VCAN: variants seen among roughly 807,000 people sequenced by gnomAD.
VCAN encodes the protein versican core protein.
Under a neutral mutation model 245.5 loss-of-function variants are expected in VCAN, and 44 were observed. The ratio of observed to expected loss-of-function variants is 0.18; its 90% CI spans 0.14 to 0.23. VCAN has a LOEUF of 0.23. VCAN is among the 10% of genes least tolerant of loss of function. VCAN has a pLI of 1.00. For missense variants in VCAN, 3,793 were observed against 4,057.9 expected (o/e 0.93, Z 1.77); for synonymous variants, 1,413 against 1,437.0 (o/e 0.98, Z 0.38).
intron 3 of VCAN, among the ~76,000 whole-genome samples, chr5:83,493,120 G>A (rs761025156): frequency 6.6e-6 from 1 of 152,224 alleles, no homozygotes; most frequent in Non-Finnish European, 1.5e-5. Flanking sequence ...AGTGTTTCAT[G>A]CATAAATATT....
chr5:83,577,083 TC>T (rs1348085319), intron 13 of VCAN, among the ~76,000 whole-genome samples: 1 of 152,130 alleles, frequency 6.6e-6, no homozygotes, highest in Non-Finnish European at 1.5e-5. Flanking sequence ...TTATTTTTTT[TC>T]CTTTATGATC....
chr5:83,558,667 TA>T (rs1274050869), intron 12 of VCAN, among the ~76,000 whole-genome samples: 4 of 152,192 alleles, frequency 2.6e-5, no homozygotes, highest in Non-Finnish European at 4.4e-5. Flanking sequence ...TGTTATGCTA[TA>T]CAGCTAGACT....
At position 83,541,330 on chromosome 5, in the gene VCAN, A is replaced by G. The variant is rs142481399; in HGVS notation, c.8327A>G (p.His2776Arg). ...GGAGCTGAGGAGGCATTAGTAGACC[A>G]TACTCCCTATCTAAGTATTGCTACT... ...SSGAEEALVDHTPYLSIATTH... is the reference protein window; with the variant it reads ...SSGAEEALVDRTPYLSIATTH... The change falls in exon 8 of 15, where the codon CAT (histidine) becomes CGT (arginine). Residue 2776 changes from histidine to arginine, a missense_variant. His to Arg is a conservative substitution (Grantham distance 29). Transcript: ENST00000265077. The G allele has an allele frequency of 3.1e-6, 5 of 1,613,996 alleles. No homozygotes were observed. The highest frequency in any genetic ancestry group is 2.7e-5 in the African/African-American group (2 of 74,918).
At chr5:83,563,750 G>A (rs753820602) in intron 12 of VCAN, among the ~76,000 whole-genome samples, 3 of 152,196 alleles carry the variant, frequency 2.0e-5, no homozygotes, top group African/African-American at 4.8e-5. Flanking sequence ...AAGAGTTTGC[G>A]CACAAAGAAG....
At chr5:83,571,645 C>CA (rs894950471) in intron 12 of VCAN, among the ~76,000 whole-genome samples, 29 of 151,602 alleles carry the variant, frequency 1.9e-4, no homozygotes, top group African/African-American at 6.0e-4. Flanking sequence ...ACATTACACA[C>CA]AAAAAAAATC....
chr5:83,483,722 A>C, intron 2 of VCAN, 134 bp downstream of exon 2: 1 of 843,134 alleles, frequency 1.2e-6, no homozygotes, highest in Non-Finnish European at 1.9e-6. Context: ...ACTATCAGTT[A>C]AAATATTATT....
intron 14 of VCAN, 67 bp from the exon 15 acceptor site, chr5:83,580,240 G>A (rs1332176195): frequency 5.0e-6 from 8 of 1,613,484 alleles, no homozygotes; most frequent in East Asian, 4.5e-5. Context: ...CTGTGGTATC[G>A]GCAGTTTAGG....
At position 83,471,819 on chromosome 5, in the gene VCAN, A is replaced by G; in HGVS notation, c.-211A>G. ...CAGGCGTGCGGACGCAACAGCCGAG[A>G]ACATTAGGTGTTGTGGACAGGAGCT... On this transcript the variant is annotated 5_prime_UTR_variant, in exon 1 of 15. Transcript: ENST00000265077. 2.5e-6 allele frequency: 1 copy of G among 398,564 alleles called. No individual in the cohort carries two copies. The highest frequency in any genetic ancestry group is 3.6e-5 in the East Asian group (1 of 28,062). 24.7% of individuals were successfully genotyped at this position (398,564 alleles called of 1,614,324 possible).
At chr5:83,549,099 A>C (rs530140575) in intron 10 of VCAN, among the ~76,000 whole-genome samples, 2 of 152,334 alleles carry the variant, frequency 1.3e-5, no homozygotes, top group Non-Finnish European at 2.9e-5. Context: ...AAACATTAGA[A>C]AGATGGCATT....
At chr5:83,534,369 A>T (rs1746627959) in intron 7 of VCAN, among the ~76,000 whole-genome samples, 1 of 151,972 alleles carries the variant, frequency 6.6e-6, no homozygotes. Flanking sequence ...TGCTGGAGAA[A>T]CCCAGCTGAA....
chr5:83,543,981 C>G (rs1436546417), intron 8 of VCAN, among the ~76,000 whole-genome samples: 3 of 152,206 alleles, frequency 2.0e-5, no homozygotes, highest in African/African-American at 4.8e-5. Context: ...GGAAGACTCA[C>G]TCACTCAGTC....
At chr5:83,475,151 G>C (rs1177133417) in intron 1 of VCAN, among the ~76,000 whole-genome samples, 1 of 152,292 alleles carries the variant, frequency 6.6e-6, no homozygotes, top group East Asian at 1.9e-4. Flanking sequence ...AAACATGGAA[G>C]GGCTGCGAGT....
chr5:83,561,667 C>CA (rs1238471816), intron 12 of VCAN, among the ~76,000 whole-genome samples: 1 of 151,964 alleles, frequency 6.6e-6, no homozygotes, highest in Non-Finnish European at 1.5e-5. Flanking sequence ...GTCTGTCAAG[C>CA]AAAGTATTGT....
In VCAN at chr5:83,572,436, C is replaced by T; in HGVS notation, c.9756C>T (p.Pro3252=). The T allele has an allele frequency of 6.2e-7, 1 of 1,613,924 alleles. No individual in the cohort carries two copies. The highest frequency in any genetic ancestry group is 8.5e-7 in the Non-Finnish European group (1 of 1,179,866). Residue 3252 remains proline, a synonymous_variant, in exon 13 of 15, where the codon CCC becomes CCT. Transcript: ENST00000265077. ...TACAGCAATACGAGAATTGGAGACC[C>T]AACCAGCCAGACAGCTTCTTTTCTG... ...GSTLQYENWR[P]NQPDSFFSAG...
At chr5:83,486,442 G>A (rs1413275255) in intron 2 of VCAN, among the ~76,000 whole-genome samples, 1 of 152,176 alleles carries the variant, frequency 6.6e-6, no homozygotes, top group African/African-American at 2.4e-5. Flanking sequence ...CTAATCAGAT[G>A]GTGAAGCCTA....
At chr5:83,577,726 A>C (rs955498464) in intron 13 of VCAN, among the ~76,000 whole-genome samples, 2 of 152,168 alleles carry the variant, frequency 1.3e-5, no homozygotes, top group Non-Finnish European at 1.5e-5. Context: ...GTCTTTTCTG[A>C]AGTATGGAAC....
intron 4 of VCAN, 23 bp downstream of exon 4, chr5:83,493,743 G>A: frequency 6.2e-7 from 1 of 1,614,120 alleles, no homozygotes; most frequent in Non-Finnish European, 8.5e-7. Context: ...GGGGCCACAG[G>A]CTTCATTATT....
intron 5 of VCAN, among the ~76,000 whole-genome samples, chr5:83,495,206 C>A (rs555603571): frequency 6.6e-6 from 1 of 152,200 alleles, no homozygotes; most frequent in African/African-American, 2.4e-5. Flanking sequence ...TTTCTATGGT[C>A]TCTTTCAACA....
intron 12 of VCAN, 80 bp from the exon 13 acceptor site, chr5:83,572,336 A>C (rs1251248748): frequency 3.3e-5 from 51 of 1,525,694 alleles, no homozygotes; most frequent in Middle Eastern, 1.7e-4. Flanking sequence ...TATTCCAATT[A>C]GATTGTGATA....
Sources: gnomAD v4.1 joint callset for allele counts (sites outside exome capture counted in the v4.1 genomes callset) on GRCh38, gnomAD v4.1.1 for gene constraint, MANE v1.5 for transcripts, NCBI Gene and HGNC (gene_info 2026-07-23, HGNC 2026-07-21) for gene names.